Variants in SMOC2 observed in about 807,000 individuals in gnomAD.
SMOC2 encodes the protein SPARC related modular calcium binding 2.
Under a neutral mutation model 61.4 loss-of-function variants are expected in SMOC2, and 39 were observed. The observed-to-expected ratio is 0.64, with a 90% CI of 0.49 to 0.83. SMOC2 has a LOEUF of 0.83. Ranked by LOEUF, SMOC2 falls within the 40% of genes least tolerant of loss-of-function variation. The probability of loss-of-function intolerance (pLI) is 0.00; values close to 1 mark genes in which losing one functional copy is unlikely to be tolerated. For synonymous variants in SMOC2, 247 were observed against 239.9 expected, an observed-to-expected ratio of 1.03 and a Z score of -0.27; for missense variants, 556 against 592.9, an observed-to-expected ratio of 0.94 and a Z score of 0.65.
rs1400313432 is a variant in SMOC2, at chr6:168,441,444, C to G, written c.74C>G (p.Ser25Trp). ...CCGCCGGTGCCCGCTCAGAAGTTCT[C>G]GGCGCTCACGGTAAGCCCGGGCCCG... ...LLPPVPAQKF[S>W]ALTFLRVDQD... Residue 25 changes from serine (S) to tryptophan (W), a missense_variant, in exon 1 of 13, where the codon TCG (serine) becomes TGG (tryptophan). Physicochemically the swap from Ser to Trp is radical, Grantham distance 177. Transcript: ENST00000356284. The G allele has an allele frequency of 6.6e-7, 1 of 1,507,440 alleles. No homozygotes were observed. Among genetic ancestry groups the G allele is most frequent in the Admixed American group, 2.1e-5 (1 of 46,930 alleles). 93.4% of individuals were successfully genotyped at this position (1,507,440 alleles called of 1,614,324 possible).
intron 11 of SMOC2, chr6:168,655,547 G>C: frequency 2.5e-6 from 1 of 395,366 alleles, no homozygotes; most frequent in Admixed American, 2.8e-5. Flanking sequence ...ACTCCTGCAT[G>C]TGTGTGCTGG....
chr6:168,599,181 CCACACACACTCATACCA>C (rs1278728565), intron 8 of SMOC2, among the ~76,000 whole-genome samples, 177 bp downstream of exon 8: 8 of 96,404 alleles, frequency 8.3e-5, no homozygotes, highest in African/African-American at 2.2e-4. Context: ...TCACACACAC[CCACACACACTCATACCA>C]CACACACACT....
intron 9 of SMOC2, among the ~76,000 whole-genome samples, chr6:168,614,267 C>A (rs1583161313): frequency 1.3e-5 from 1 of 75,244 alleles, no homozygotes; most frequent in Non-Finnish European, 2.7e-5. Flanking sequence ...CACAGGGCCT[C>A]TTTATACCTA....
At chr6:168,457,794 A>G (rs568064027) in intron 1 of SMOC2, among the ~76,000 whole-genome samples, 2 of 152,294 alleles carry the variant, frequency 1.3e-5, no homozygotes, top group Admixed American at 1.3e-4. Context: ...AATTTTTCCA[A>G]GCCTGTTTTG....
intron 4 of SMOC2, among the ~76,000 whole-genome samples, chr6:168,532,947 G>A (rs1193373653): frequency 6.6e-6 from 1 of 152,182 alleles, no homozygotes; most frequent in African/African-American, 2.4e-5. Flanking sequence ...CCCATTGCAT[G>A]GGGAAGAAGA....
At chr6:168,488,684 C>G (rs1185423219) in intron 1 of SMOC2, among the ~76,000 whole-genome samples, 1 of 152,206 alleles carries the variant, frequency 6.6e-6, no homozygotes, top group African/African-American at 2.4e-5. Flanking sequence ...ATTGAGTCAT[C>G]TGGGTCCCCT....
chr6:168,519,769 G>A (rs1022371093), intron 2 of SMOC2, among the ~76,000 whole-genome samples: 1 of 152,068 alleles, frequency 6.6e-6, no homozygotes, highest in Non-Finnish European at 1.5e-5. Flanking sequence ...CATCCATTTC[G>A]ATCTGTTGCA....
At chr6:168,576,251 C>T (rs1784801571) in intron 7 of SMOC2, among the ~76,000 whole-genome samples, 1 of 152,120 alleles carries the variant, frequency 6.6e-6, no homozygotes, top group Non-Finnish European at 1.5e-5. Flanking sequence ...TGGTCTAATT[C>T]AGCAGCTCCC....
intron 1 of SMOC2, among the ~76,000 whole-genome samples, chr6:168,451,095 T>C (rs1203980777): frequency 6.6e-6 from 1 of 152,186 alleles, no homozygotes; most frequent in Non-Finnish European, 1.5e-5. Flanking sequence ...TCCCTCAGGC[T>C]ACCTTTCCAT....
chr6:168,493,075 C>T (rs1782505750), intron 1 of SMOC2, among the ~76,000 whole-genome samples: 1 of 151,796 alleles, frequency 6.6e-6, no homozygotes, highest in Non-Finnish European at 1.5e-5. Context: ...CTTACTCTGT[C>T]ATCCATGCTG....
intron 4 of SMOC2, among the ~76,000 whole-genome samples, chr6:168,542,619 A>G (rs1783896652): frequency 6.6e-6 from 1 of 152,078 alleles, no homozygotes; most frequent in Non-Finnish European, 1.5e-5. Flanking sequence ...AACCGTTGAC[A>G]TGTGTTTAGG....
chr6:168,456,032 C>G (rs958608386), intron 1 of SMOC2, among the ~76,000 whole-genome samples: 1 of 152,216 alleles, frequency 6.6e-6, no homozygotes, highest in Non-Finnish European at 1.5e-5. Context: ...TGACTGCAGA[C>G]GCCTCATACC....
intron 2 of SMOC2, among the ~76,000 whole-genome samples, chr6:168,514,483 C>G (rs1050986574): frequency 1.3e-5 from 2 of 152,258 alleles, no homozygotes; most frequent in Non-Finnish European, 2.9e-5. Flanking sequence ...GAAGCATGTT[C>G]TTCTTTCCTT....
chr6:168,618,813 G>A (rs554283296), intron 9 of SMOC2, among the ~76,000 whole-genome samples: 3 of 152,270 alleles, frequency 2.0e-5, no homozygotes, highest in East Asian at 1.9e-4. Context: ...GGCTCTCGAC[G>A]CAGCAGGCAC....
At chr6:168,573,728 C>T (rs1784728853) in intron 7 of SMOC2, among the ~76,000 whole-genome samples, 2 of 151,746 alleles carry the variant, frequency 1.3e-5, no homozygotes, top group African/African-American at 4.9e-5. Context: ...CCCAGCAGGA[C>T]CCCGCCTCCC....
chr6:168,543,232 A>G (rs1165823961), intron 4 of SMOC2, among the ~76,000 whole-genome samples: 2 of 152,144 alleles, frequency 1.3e-5, no homozygotes, highest in East Asian at 3.8e-4. Context: ...CAGGGTTTTT[A>G]GTTATCTTTG....
intron 1 of SMOC2, among the ~76,000 whole-genome samples, chr6:168,458,442 T>C (rs1781641902): frequency 6.6e-6 from 1 of 152,218 alleles, no homozygotes; most frequent in African/African-American, 2.4e-5. Context: ...TTGTGAGTCC[T>C]GGATTCCCAC....
At chr6:168,527,578 C>T (rs369209593) in intron 3 of SMOC2, 50 bp from the exon 4 acceptor site, 114 of 1,360,134 alleles carry the variant, frequency 8.4e-5, no homozygotes, top group South Asian at 4.5e-4. Flanking sequence ...AGCCGTGAGG[C>T]GCTGCGCCAC....
Position 168,485,506 on chromosome 6 carries a change from G to A in SMOC2, c.85-24409G>A, listed in dbSNP as rs1198186597. Among the ~76,000 whole-genome samples the A allele has an allele frequency of 2.0e-5, 3 of 152,204 alleles. No homozygotes were observed. In the East Asian group the frequency reaches 5.8e-4, roughly 29 times the overall value. ...TTATTTGACCATAAAAAGGAATGAA[G>A]TGTTGATACACACTACAACAAGGAT... On this transcript the variant is annotated intron_variant, in intron 1 of 12. Transcript: ENST00000356284.
Sources: allele counts gnomAD v4.1 joint callset (sites outside exome capture counted in the v4.1 genomes callset), GRCh38; gene constraint gnomAD v4.1.1; transcripts MANE v1.5; gene names NCBI Gene and HGNC (gene_info 2026-07-23, HGNC 2026-07-21).